Variants in SEC22B observed in about 807,000 individuals in gnomAD.
SEC22B encodes the protein SEC22 homolog B, vesicle trafficking protein, also known as vesicle-trafficking protein SEC22b.
SEC22B carries 10 observed loss-of-function variants against 31.4 expected under a neutral mutation model. The observed-to-expected ratio is 0.32, with a 90% CI of 0.20 to 0.54. The LOEUF (loss-of-function observed/expected upper bound fraction) is 0.54. Ranked by LOEUF, SEC22B falls within the 20% of genes least tolerant of loss-of-function variation. SEC22B has a pLI of 0.94. For synonymous variants in SEC22B, 60 were observed against 95.9 expected (o/e 0.63, Z 2.19); for missense variants, 130 against 263.4 (o/e 0.49, Z 3.50).
intron 1 of SEC22B, among the ~76,000 whole-genome samples, chr1:120,172,176 G>A (rs1253878535): frequency 3.0e-5 from 3 of 99,462 alleles, no homozygotes; most frequent in Non-Finnish European, 5.5e-5. Flanking sequence ...GGGGACCGGA[G>A]GTTGCAGTAA....
At chr1:120,163,932 T>A (rs1426981062) in intron 2 of SEC22B, among the ~76,000 whole-genome samples, 2 of 146,830 alleles carry the variant, frequency 1.4e-5, no homozygotes, top group Admixed American at 1.3e-4. Context: ...TAATTTTTCA[T>A]CCATTAGATT....
chr1:120,152,162 G>A lies in SEC22B; in HGVS notation c.*4876C>T, dbSNP rs1657554771. On this transcript the variant is annotated 3_prime_UTR_variant, in exon 5 of 5. Coordinates refer to ENST00000578049, the MANE Select transcript of SEC22B (RefSeq NM_004892.6). ...AGCTCTAAATATAGAAGACAAACTA[G>A]AGGAGCTTGTTTCTTGAAGAATTCT... The A allele has an allele frequency of 6.6e-6, 1 of 151,586 alleles. No individual in the cohort carries two copies. The highest frequency in any genetic ancestry group is 6.6e-5 in the Admixed American group (1 of 15,224). 9.4% of individuals were successfully genotyped at this position (151,586 alleles called of 1,614,324 possible).
chr1:120,162,968 G>A (rs1657743329), intron 3 of SEC22B, among the ~76,000 whole-genome samples: 1 of 152,034 alleles, frequency 6.6e-6, no homozygotes, highest in South Asian at 2.1e-4. Context: ...CCAAATAACA[G>A]AAAGGGCAAA....
chr1:120,152,001 A>G lies in SEC22B; in HGVS notation c.*5037T>C, dbSNP rs1657550441. On this transcript the variant is annotated 3_prime_UTR_variant, in exon 5 of 5. Transcript: ENST00000578049. The stretch of plus-strand genomic sequence containing the variant: ...AGGTTTGGTTTTATCTTTGAGAACA[A>G]TGGAGTGGAGGTATGCTTTAGATGC... 6.6e-6 allele frequency: 1 copy of G among 152,148 alleles called. No individual in the cohort carries two copies. Among genetic ancestry groups the G allele is most frequent in the African/African-American group, 2.4e-5 (1 of 41,340 alleles). The allele number at this position is 152,148 out of a possible 1,614,324, so 9.4% of individuals were successfully genotyped here.
At chr1:120,166,528 G>A (rs1405907809) in intron 2 of SEC22B, among the ~76,000 whole-genome samples, 6 of 140,418 alleles carry the variant, frequency 4.3e-5, no homozygotes, top group African/African-American at 1.5e-4. Context: ...AATCAGTCAT[G>A]CACAGAAAGA....
chr1:120,162,674 G>A (rs1325028664), intron 3 of SEC22B, among the ~76,000 whole-genome samples: 3 of 152,100 alleles, frequency 2.0e-5, no homozygotes, highest in African/African-American at 7.2e-5. Context: ...AGACACCTAT[G>A]CTCACTATTC....
intron 1 of SEC22B, among the ~76,000 whole-genome samples, chr1:120,175,667 G>A (rs1657946439): frequency 6.6e-6 from 1 of 152,184 alleles, no homozygotes; most frequent in Non-Finnish European, 1.5e-5. Flanking sequence ...ATTGTAAAAG[G>A]TATGGATAAC....
intron 2 of SEC22B, among the ~76,000 whole-genome samples, chr1:120,166,359 G>A (rs1387472993): frequency 1.3e-5 from 2 of 148,300 alleles, no homozygotes; most frequent in Admixed American, 6.7e-5. Flanking sequence ...CAAGAGAAAT[G>A]TCCATCAAGA....
At position 120,164,643 on chromosome 1, in the gene SEC22B, A is replaced by T. The variant is rs1207568996; in HGVS notation, c.186-1273T>A. On this transcript the variant is annotated intron_variant, in intron 2 of 4. Coordinates refer to ENST00000578049, the MANE Select transcript of SEC22B (RefSeq NM_004892.6). Reference sequence around the variant, plus strand: ...GCATAGTATTCCATACTGTATATATACTACATTTTCTTTATCCAATCCACC... The same window carrying T: ...GCATAGTATTCCATACTGTATATATTCTACATTTTCTTTATCCAATCCACC... Among the ~76,000 whole-genome samples, 23 of 152,346 alleles carry T rather than the reference A, an allele frequency of 1.5e-4. No homozygotes were observed. The East Asian group carries it at 3.3e-3, about 22-fold the overall frequency.
At chr1:120,163,042 C>T in intron 3 of SEC22B, among the ~76,000 whole-genome samples, 168 bp downstream of exon 3, 1 of 152,180 alleles carries the variant, frequency 6.6e-6, no homozygotes, top group South Asian at 2.1e-4. Context: ...AGAACAAAGC[C>T]TTAGTCACTC....
chr1:120,175,430 C>G (rs1657941126), intron 1 of SEC22B, among the ~76,000 whole-genome samples: 1 of 141,888 alleles, frequency 7.0e-6, no homozygotes, highest in African/African-American at 2.7e-5. Flanking sequence ...TTTACTTAGA[C>G]TGTATGGAAA....
chr1:120,165,925 A>G (rs2101129979), intron 2 of SEC22B, among the ~76,000 whole-genome samples: 1 of 150,424 alleles, frequency 6.6e-6, no homozygotes, highest in Admixed American at 6.6e-5. Context: ...AGAACATACG[A>G]GGAACTCAAA....
chr1:120,171,941 C>A (rs1222005638), intron 1 of SEC22B, among the ~76,000 whole-genome samples: 1 of 151,312 alleles, frequency 6.6e-6, no homozygotes, highest in Non-Finnish European at 1.5e-5. Context: ...ATCTGTGAAC[C>A]TTTAAGAAAG....
intron 1 of SEC22B, among the ~76,000 whole-genome samples, chr1:120,170,093 C>A (rs1399115854): frequency 2.8e-5 from 4 of 142,684 alleles, no homozygotes; most frequent in Non-Finnish European, 6.0e-5. Flanking sequence ...ACCAAATCTG[C>A]TGGTGCTTGA....
At chr1:120,176,206 G>C in intron 1 of SEC22B, 101 bp downstream of exon 1, 1 of 1,092,286 alleles carries the variant, frequency 9.2e-7, no homozygotes, top group Non-Finnish European at 1.3e-6. Flanking sequence ...GGAGTGCCCG[G>C]GAAGTCACAA....
At chr1:120,158,297 A>G (rs1657660858) in intron 4 of SEC22B, 1 of 129,654 alleles carries the variant, frequency 7.7e-6, no homozygotes. Context: ...TAGTCACGGA[A>G]GAAGAGTCAG....
chr1:120,160,502 G>C lies in SEC22B; in HGVS notation c.375C>G (p.Leu125=). 7 of 1,595,870 alleles carry C rather than the reference G, an allele frequency of 4.4e-6. No homozygotes were observed. The highest frequency in any genetic ancestry group is 6.0e-6 in the Non-Finnish European group (7 of 1,171,196). ...TTCTTCGAGCACGACTGTCAATGTA[G>C]AGCTTCTTGGTTTTCTGAATGAAAG... ...FDTFIQKTKK[L]YIDSRARRNL... Residue 125 remains leucine (L), a synonymous_variant, in exon 4 of 5, where the codon CTC becomes CTG. Coordinates refer to ENST00000578049, the MANE Select transcript of SEC22B (RefSeq NM_004892.6).
intron 3 of SEC22B, among the ~76,000 whole-genome samples, 169 bp downstream of exon 3, chr1:120,163,040 GC>G (rs1313007413): frequency 6.6e-6 from 1 of 152,118 alleles, no homozygotes; most frequent in African/African-American, 2.4e-5. Context: ...TCAGAACAAA[GC>G]CTTAGTCACT....
chr1:120,160,221 GA>G (rs1339028359), intron 4 of SEC22B, among the ~76,000 whole-genome samples, 162 bp downstream of exon 4: 27 of 148,594 alleles, frequency 1.8e-4, no homozygotes, highest in Non-Finnish European at 3.4e-4. Flanking sequence ...ATCATGCTAG[GA>G]AAAAAAATAT....
Sources: gnomAD v4.1 joint callset for allele counts (sites outside exome capture counted in the v4.1 genomes callset) on GRCh38, gnomAD v4.1.1 for gene constraint, MANE v1.5 for transcripts, NCBI Gene and HGNC (gene_info 2026-07-23, HGNC 2026-07-21) for gene names.